Variants in CBLB observed in about 807,000 individuals in gnomAD.
CBLB encodes the protein E3 ubiquitin-protein ligase CBL-B.
CBLB carries 31 observed loss-of-function variants against 104.9 expected under a neutral mutation model. That is an observed-to-expected ratio of 0.30 (90% CI 0.22 to 0.40). The LOEUF (loss-of-function observed/expected upper bound fraction) is 0.40, where lower values mean the gene tolerates loss of function less well. Among genes scored for constraint, CBLB ranks in the 10% least tolerant of loss-of-function variants. The probability of loss-of-function intolerance (pLI) is 1.00; values close to 1 mark genes in which losing one functional copy is unlikely to be tolerated. For missense variants in CBLB, 1,062 were observed against 1,214.6 expected (o/e 0.87, Z 1.87); for synonymous variants, 440 against 422.6 (o/e 1.04, Z -0.51).
At position 105,867,604 on chromosome 3, in the gene CBLB, G is replaced by A; in HGVS notation, c.-14-13C>T. Reference sequence around the variant, plus strand: ...TGGAATTTTAGTTCTTTAAAAGGCAGATTTAAAAAAAGAAAAGTTAGTTGG... The same window carrying A: ...TGGAATTTTAGTTCTTTAAAAGGCAAATTTAAAAAAAGAAAAGTTAGTTGG... On this transcript the variant is annotated splice_polypyrimidine_tract_variant and intron_variant, in intron 1 of 18. Coordinates refer to ENST00000394030, the MANE Select transcript of CBLB (RefSeq NM_170662.5). 1.2e-6 allele frequency: 2 copies of A among 1,612,518 alleles called. No homozygotes were observed. Among genetic ancestry groups the A allele is most frequent in the African/African-American group, 1.3e-5 (1 of 74,954 alleles).
chr3:105,685,475 G>A lies in CBLB; in HGVS notation c.2055-9C>T. The stretch of plus-strand genomic sequence containing the variant: ...CTAACGGACCAGTACACCTACCAGG[G>A]GAAAAAAAATCCAATCTAGTTTAAG... On this transcript the variant is annotated splice_polypyrimidine_tract_variant and intron_variant, in intron 13 of 18. Transcript: ENST00000394030. 1 of 1,610,652 alleles carries A rather than the reference G, an allele frequency of 6.2e-7. No individual in the cohort carries two copies. Among genetic ancestry groups the A allele is most frequent in the Non-Finnish European group, 8.5e-7 (1 of 1,177,648 alleles).
At chr3:105,763,147 T>C (rs946392695) in intron 4 of CBLB, among the ~76,000 whole-genome samples, 2 of 152,214 alleles carry the variant, frequency 1.3e-5, no homozygotes, top group East Asian at 3.9e-4. Flanking sequence ...CCAGTGCCTG[T>C]ATCCCCATTG....
intron 10 of CBLB, among the ~76,000 whole-genome samples, chr3:105,707,626 T>C (rs978456044): frequency 2.0e-5 from 3 of 152,152 alleles, no homozygotes; most frequent in African/African-American, 7.2e-5. Context: ...TTTGTAAACA[T>C]TTTTAGTAGG....
chr3:105,663,476 C>T (rs902430720), intron 18 of CBLB, among the ~76,000 whole-genome samples: 6 of 152,130 alleles, frequency 3.9e-5, no homozygotes, highest in African/African-American at 9.7e-5. Flanking sequence ...AAAAGCAACA[C>T]TTGTGCCTGG....
At position 105,659,066 on chromosome 3, in the gene CBLB, T is replaced by C. The variant is rs887283560; in HGVS notation, c.2853A>G (p.Arg951=). ...CATTATTCTGGGCTATCTCTAAGGC[T>C]CTCTTCACCTCTTCAAAGGCATAAC... ...GEGYAFEEVK[R]ALEIAQNNVE... Residue 951 remains arginine, a synonymous_variant, in exon 19 of 19, where the codon AGA becomes AGG. Transcript: ENST00000394030. The C allele has an allele frequency of 6.2e-7, 1 of 1,614,050 alleles. No individual in the cohort carries two copies. Among genetic ancestry groups the C allele is most frequent in the Non-Finnish European group, 8.5e-7 (1 of 1,179,958 alleles).
At chr3:105,765,953 G>A (rs996192160) in intron 4 of CBLB, among the ~76,000 whole-genome samples, 3 of 152,020 alleles carry the variant, frequency 2.0e-5, no homozygotes, top group African/African-American at 7.2e-5. Flanking sequence ...TGATAGCTCT[G>A]GGCAAAGAAA....
intron 3 of CBLB, among the ~76,000 whole-genome samples, chr3:105,852,796 C>T (rs1202265177): frequency 6.6e-6 from 1 of 152,062 alleles, no homozygotes; most frequent in Non-Finnish European, 1.5e-5. Flanking sequence ...CAGCTCACCA[C>T]AACCTCCACC....
At position 105,683,263 on chromosome 3, in the gene CBLB, G is replaced by GTTC. The variant is rs1315696653; in HGVS notation, c.2202-1446_2202-1445insGAA. Among the ~76,000 whole-genome samples the GTTC allele has an allele frequency of 3.9e-5, 6 of 152,084 alleles. No individual in the cohort carries two copies. The East Asian group carries it at 1.2e-3, about 29-fold the overall frequency. On this transcript the variant is annotated intron_variant, in intron 14 of 18. Coordinates refer to ENST00000394030, the MANE Select transcript of CBLB (RefSeq NM_170662.5). ...CACTTCTCCTGATGTTCCAAAGGGG[G>GTTC]AAAAATACACACAGGGAAAGAAAGT...
At chr3:105,736,475 G>C (rs1442253345) in intron 8 of CBLB, among the ~76,000 whole-genome samples, 1 of 152,126 alleles carries the variant, frequency 6.6e-6, no homozygotes, top group African/African-American at 2.4e-5. Flanking sequence ...TGAGTATGTA[G>C]AGCTACCTCC....
rs540362936 is a variant in CBLB, at chr3:105,787,447, A to G, written c.420-10905T>C. Among the ~76,000 whole-genome samples, 10 of 152,162 alleles carry G rather than the reference A, an allele frequency of 6.6e-5. No homozygotes were observed. The South Asian group carries it at 2.1e-3, about 32-fold the overall frequency. ...TCTTATCTAAACCTTCTTCTATAAA[A>G]CCAGGGGGTTGTGGTACATACGTTC... On this transcript the variant is annotated intron_variant, in intron 3 of 18. Transcript: ENST00000394030.
chr3:105,742,325 T>G (rs1380327215), intron 6 of CBLB, among the ~76,000 whole-genome samples: 3 of 152,228 alleles, frequency 2.0e-5, no homozygotes, highest in African/African-American at 7.2e-5. Flanking sequence ...ACATAATGGC[T>G]GCAGTCACTG....
At chr3:105,793,077 G>A (rs1170492747) in intron 3 of CBLB, among the ~76,000 whole-genome samples, 2 of 152,008 alleles carry the variant, frequency 1.3e-5, no homozygotes, top group Non-Finnish European at 2.9e-5. Context: ...AAATATCCTT[G>A]GAAAATGTCA....
intron 3 of CBLB, among the ~76,000 whole-genome samples, chr3:105,799,177 C>CAAAAAA (rs11372400): frequency 1.4e-5 from 1 of 70,192 alleles, no homozygotes; most frequent in Admixed American, 1.2e-4. Flanking sequence ...TGACAAAGAA[C>CAAAAAA]AAAAAAAAAA....
At chr3:105,794,819 T>C (rs1319571462) in intron 3 of CBLB, among the ~76,000 whole-genome samples, 2 of 152,082 alleles carry the variant, frequency 1.3e-5, no homozygotes, top group African/African-American at 4.8e-5. Flanking sequence ...AGTATATACA[T>C]ACCCAACAAC....
intron 3 of CBLB, among the ~76,000 whole-genome samples, chr3:105,842,272 T>C (rs1207556900): frequency 1.3e-5 from 2 of 152,162 alleles, no homozygotes; most frequent in African/African-American, 4.8e-5. Context: ...AAATGGTTCA[T>C]TTTCCCCGAC....
chr3:105,718,423 T>C (rs966709390), intron 10 of CBLB, among the ~76,000 whole-genome samples: 3 of 152,306 alleles, frequency 2.0e-5, no homozygotes, highest in African/African-American at 7.2e-5. Context: ...ATGTATTTGG[T>C]CAGCATGGAA....
chr3:105,747,581 T>C (rs1230642316), intron 5 of CBLB, among the ~76,000 whole-genome samples: 3 of 151,656 alleles, frequency 2.0e-5, no homozygotes, highest in African/African-American at 4.8e-5. Context: ...ATATGAGAGG[T>C]TGAAAAAAAT....
intron 3 of CBLB, 125 bp downstream of exon 3, chr3:105,853,289 A>G: frequency 1.1e-6 from 1 of 916,176 alleles, no homozygotes; most frequent in East Asian, 2.4e-5. Flanking sequence ...TAAGTACCAC[A>G]TGACTATATA....
At position 105,856,296 on chromosome 3, in the gene CBLB, G is replaced by A. The variant is rs373884020; in HGVS notation, c.169-2632C>T. Among the ~76,000 whole-genome samples the A allele has an allele frequency of 3.3e-4, 48 of 146,100 alleles. 1 individual carries two copies. The South Asian group carries it at 9.9e-3, about 30-fold the overall frequency. ...ACCCGGGAGGCAGAGGTTGCAGTGA[G>A]CTGAGATCACATCACTGCACTCAGC... On this transcript the variant is annotated intron_variant, in intron 2 of 18. Transcript: ENST00000394030.
Sources: allele counts gnomAD v4.1 joint callset (sites outside exome capture counted in the v4.1 genomes callset), GRCh38; gene constraint gnomAD v4.1.1; transcripts MANE v1.5; gene names NCBI Gene and HGNC (gene_info 2026-07-23, HGNC 2026-07-21).